PHACTR2: variants seen among roughly 807,000 people sequenced by gnomAD.
The protein encoded by PHACTR2 is phosphatase and actin regulator 2, also known as chromosome 6 open reading frame 56.
Under a neutral mutation model 76.0 loss-of-function variants are expected in PHACTR2, and 30 were observed. The ratio of observed to expected loss-of-function variants is 0.39; its 90% CI spans 0.30 to 0.54. PHACTR2 has a LOEUF of 0.54. PHACTR2 is among the 20% of genes least tolerant of loss of function. PHACTR2 has a pLI of 0.61. For synonymous variants in PHACTR2, 292 were observed against 292.5 expected (o/e 1.00, Z 0.02); for missense variants, 696 against 781.1 (o/e 0.89, Z 1.30).
Position 143,639,902 on chromosome 6 carries a change from T to C in PHACTR2, c.13+31580T>C, listed in dbSNP as rs75657566. Among the ~76,000 whole-genome samples, 1,219 of 152,352 alleles carry C rather than the reference T, an allele frequency of 8.0e-3. 25 individuals carry two copies. The highest frequency in any genetic ancestry group is 0.026 in the African/African-American group (1,089 of 41,574). On this transcript the variant is annotated intron_variant, in intron 1 of 11. Coordinates refer to the PHACTR2 transcript ENST00000305766. This position sits in a 1 kb window ranked among gnomAD's most constrained non-coding sequence, Gnocchi z 5.0. ...TAACTACTCTAAAGATAATGTGTTC[T>C]GGTTCCTAGCCTCCAGAAGCTGGAG...
At chr6:143,721,657 CTGTGTGTGTG>C (rs888883642) in intron 2 of PHACTR2, among the ~76,000 whole-genome samples, 1 of 145,238 alleles carries the variant, frequency 6.9e-6, no homozygotes, top group African/African-American at 2.6e-5. Context: ...GTGTGTGTGT[CTGTGTGTGTG>C]TGTGTGTATC....
chr6:143,655,027 C>T (rs1375131304), intron 1 of PHACTR2, among the ~76,000 whole-genome samples: 2 of 151,898 alleles, frequency 1.3e-5, no homozygotes, highest in African/African-American at 4.8e-5. Flanking sequence ...TGTGATGGCA[C>T]ATGCCTGTAA....
At position 143,753,736 on chromosome 6, in the gene PHACTR2, G is replaced by A. The variant is rs760973737; in HGVS notation, c.296-18G>A. On this transcript the variant is annotated intron_variant, in intron 3 of 12. Coordinates refer to ENST00000440869, the MANE Select transcript of PHACTR2 (RefSeq NM_001100164.2). The surrounding 1 kb of genome is among the most constrained non-coding windows in gnomAD (Gnocchi z 4.6). ...AAGCCAGCAAGTTAGACATCTAGGT[G>A]TTTCTTTCCCATTTTAGATGGAGAT... 4.5e-6 allele frequency: 7 copies of A among 1,566,858 alleles called. No homozygotes were observed. In the African/African-American group the frequency reaches 8.3e-5, roughly 19 times the overall value.
At chr6:143,686,310 G>A (rs1240542300) in intron 1 of PHACTR2, among the ~76,000 whole-genome samples, 1 of 152,070 alleles carries the variant, frequency 6.6e-6, no homozygotes, top group Non-Finnish European at 1.5e-5. Flanking sequence ...AGATAGACAT[G>A]TGGTAGAATA....
intron 1 of PHACTR2, among the ~76,000 whole-genome samples, chr6:143,703,725 G>GCATTAGCTTTT (rs1471931528): frequency 6.6e-6 from 1 of 151,932 alleles, no homozygotes; most frequent in Non-Finnish European, 1.5e-5. Flanking sequence ...ATTTTTAAAG[G>GCATTAGCTTTT]AACCATCAGC....
intron 1 of PHACTR2, among the ~76,000 whole-genome samples, chr6:143,574,875 C>G (rs1423900773): frequency 6.6e-6 from 1 of 152,036 alleles, no homozygotes; most frequent in African/African-American, 2.4e-5. Context: ...TGTAAAACAG[C>G]AACAACAACA....
chr6:143,745,299 G>A (rs1239355413), intron 2 of PHACTR2, among the ~76,000 whole-genome samples: 1 of 152,180 alleles, frequency 6.6e-6, no homozygotes, highest in African/African-American at 2.4e-5. Flanking sequence ...ACTTTAGTCC[G>A]GAGCTACAGA....
chr6:143,709,984 G>T lies in PHACTR2; in HGVS notation c.47-2032G>T, dbSNP rs534232366. ...AGGGGTCCTTTTCAGAGCCTCATGA[G>T]GGTGGAAATCTAGTAACTCCATTCA... On this transcript the variant is annotated intron_variant, in intron 1 of 12. Coordinates refer to ENST00000440869, the MANE Select transcript of PHACTR2 (RefSeq NM_001100164.2). The surrounding 1 kb of genome is among the most constrained non-coding windows in gnomAD (Gnocchi z 4.4). Among the ~76,000 whole-genome samples, 1 of 152,236 alleles carries T rather than the reference G, an allele frequency of 6.6e-6. No individual in the cohort carries two copies. The highest frequency in any genetic ancestry group is 2.1e-4 in the South Asian group (1 of 4,822).
In PHACTR2 at chr6:143,800,718, T is replaced by C. The variant is rs181165974; in HGVS notation, c.1846-6339T>C. On this transcript the variant is annotated intron_variant, in intron 11 of 12. Coordinates refer to ENST00000440869, the MANE Select transcript of PHACTR2 (RefSeq NM_001100164.2). The surrounding 1 kb of genome is among the most constrained non-coding windows in gnomAD (Gnocchi z 4.8). The stretch of plus-strand genomic sequence containing the variant: ...ACATTTAAGGTTAATATTGTTATGT[T>C]TGAATTTGATCCTGTCATTATGATG... Among the ~76,000 whole-genome samples, 289 of 152,302 alleles carry C rather than the reference T, an allele frequency of 1.9e-3. 1 individual carries two copies. Among genetic ancestry groups the C allele is most frequent in the African/African-American group, 6.5e-3 (271 of 41,556 alleles).
Position 143,546,800 on chromosome 6 carries a change from A to G in PHACTR2, c.217+9593A>G, listed in dbSNP as rs1256009313. Among the ~76,000 whole-genome samples the G allele has an allele frequency of 1.3e-5, 2 of 151,990 alleles. No individual in the cohort carries two copies. Among genetic ancestry groups the G allele is most frequent in the Non-Finnish European group, 2.9e-5 (2 of 67,986 alleles). On this transcript the variant is annotated intron_variant, in intron 1 of 11. Transcript: ENST00000367584. This position sits in a 1 kb window ranked among gnomAD's most constrained non-coding sequence, Gnocchi z 4.9. The stretch of plus-strand genomic sequence containing the variant: ...CAACATTTTGGGAGGTGGAGGCAGA[A>G]GGATTGCTTGAGTCCAGGAGCTTGA...
chr6:143,808,321 G>T (rs997895461), intron 12 of PHACTR2, among the ~76,000 whole-genome samples: 1 of 151,798 alleles, frequency 6.6e-6, no homozygotes, highest in African/African-American at 2.4e-5. Context: ...CAGAGACAGG[G>T]TTTCACCATG....
intron 1 of PHACTR2, chr6:143,711,741 G>T (rs1193381654): frequency 3.2e-6 from 2 of 630,606 alleles, no homozygotes; most frequent in Non-Finnish European, 6.0e-6. Flanking sequence ...CAGCTGTGTT[G>T]CACAGACACT....
At chr6:143,572,522 TG>T (rs1158450783) in intron 1 of PHACTR2, among the ~76,000 whole-genome samples, 1 of 152,212 alleles carries the variant, frequency 6.6e-6, no homozygotes, top group Non-Finnish European at 1.5e-5. Flanking sequence ...TTTTTTTGTT[TG>T]TTTGTTTTTT....
chr6:143,756,522 C>T (rs1051678430), intron 4 of PHACTR2, among the ~76,000 whole-genome samples: 5 of 151,260 alleles, frequency 3.3e-5, no homozygotes, highest in Non-Finnish European at 7.4e-5. Context: ...GGTGAAACCC[C>T]GTCTCTACTA....
intron 1 of PHACTR2, among the ~76,000 whole-genome samples, chr6:143,638,819 T>A (rs959614899): frequency 6.6e-6 from 1 of 152,224 alleles, no homozygotes; most frequent in Non-Finnish European, 1.5e-5. Flanking sequence ...GGGAAGTACA[T>A]GTGTCTTGTC....
chr6:143,661,799 C>T (rs1776950528), intron 1 of PHACTR2, among the ~76,000 whole-genome samples: 1 of 152,000 alleles, frequency 6.6e-6, no homozygotes, highest in African/African-American at 2.4e-5. Context: ...TCATGTGATT[C>T]GCTTGCCTTA....
chr6:143,684,477 C>T lies in PHACTR2; in HGVS notation c.46+6268C>T, dbSNP rs1329449956. On this transcript the variant is annotated intron_variant, in intron 1 of 12. Coordinates refer to ENST00000440869, the MANE Select transcript of PHACTR2 (RefSeq NM_001100164.2). This position sits in a 1 kb window ranked among gnomAD's most constrained non-coding sequence, Gnocchi z 4.3. ...CCACTATCCAAGCTCTGAGGCCATC[C>T]ATTACATGGACAACTATAAACTACA... is the stretch of plus-strand genomic sequence containing the variant. 6.6e-6 allele frequency among the ~76,000 whole-genome samples: 1 copy of T among 152,204 alleles called. No homozygotes were observed. The highest frequency in any genetic ancestry group is 2.4e-5 in the African/African-American group (1 of 41,450).
intron 11 of PHACTR2, among the ~76,000 whole-genome samples, chr6:143,797,904 G>C (rs1295285858): frequency 6.6e-6 from 1 of 151,622 alleles, no homozygotes; most frequent in Non-Finnish European, 1.5e-5. Flanking sequence ...TCCATATGAG[G>C]TTTAAAGTAG....
chr6:143,618,514 G>C lies in PHACTR2; in HGVS notation c.13+10192G>C, dbSNP rs1776096116. ...CATGGTCATGAGCGTCACTTGAGAA[G>C]GTGTCAGTGTCAGAGGGTTTTAAAC... On this transcript the variant is annotated intron_variant, in intron 1 of 11. Transcript: ENST00000305766. The surrounding 1 kb of genome is among the most constrained non-coding windows in gnomAD (Gnocchi z 5.2). 6.6e-6 allele frequency among the ~76,000 whole-genome samples: 1 copy of C among 151,962 alleles called. No individual in the cohort carries two copies. The highest frequency in any genetic ancestry group is 1.5e-5 in the Non-Finnish European group (1 of 68,002).
Sources: gnomAD v4.1 joint callset for allele counts (sites outside exome capture counted in the v4.1 genomes callset) on GRCh38, gnomAD v4.1.1 for gene constraint, Gnocchi (gnomAD v3.1) non-coding constraint, MANE v1.5 for transcripts, NCBI Gene and HGNC (gene_info 2026-07-23, HGNC 2026-07-21) for gene names.